The following ASTN2 variants were observed in gnomAD, a reference collection of about 807,000 sequenced individuals.
ASTN2 encodes the protein astrotactin-2.
In ASTN2, 54 loss-of-function variants were observed where a neutral mutation model predicts 139.8. That is an observed-to-expected ratio of 0.39 (90% CI 0.31 to 0.48). The LOEUF (loss-of-function observed/expected upper bound fraction) is 0.48, where lower values mean the gene tolerates loss of function less well. Ranked by LOEUF, ASTN2 falls within the 20% of genes least tolerant of loss-of-function variation. The pLI is 0.95. For synonymous variants in ASTN2, 756 were observed against 719.5 expected, an observed-to-expected ratio of 1.05 and a Z score of -0.81; for missense variants, 1,565 against 1,725.1, an observed-to-expected ratio of 0.91 and a Z score of 1.64.
chr9:117,127,962 G>A (rs998138403), intron 4 of ASTN2, among the ~76,000 whole-genome samples: 5 of 152,066 alleles, frequency 3.3e-5, no homozygotes, highest in Non-Finnish European at 7.4e-5. Flanking sequence ...TTACAGGCGT[G>A]AGCCACCGCT....
In ASTN2 at chr9:117,143,942, C is replaced by T. The variant is rs531493679; in HGVS notation, c.1016-2464G>A. ...TCCTATCTCCAGACACAGTCAGCCA[C>T]GGATTGAATTGTGTTCCCTCCTTCC... is the stretch of plus-strand genomic sequence containing the variant. On this transcript the variant is annotated intron_variant, in intron 3 of 22. Transcript: ENST00000313400. 7.9e-5 allele frequency among the ~76,000 whole-genome samples: 12 copies of T among 152,248 alleles called. No homozygotes were observed. The South Asian group carries it at 8.3e-4, about 11-fold the overall frequency.
intron 2 of ASTN2, among the ~76,000 whole-genome samples, chr9:117,280,272 T>C (rs947808510): frequency 6.6e-6 from 1 of 152,084 alleles, no homozygotes; most frequent in Non-Finnish European, 1.5e-5. Context: ...GTCTGATGAG[T>C]GAGGATGTTA....
At chr9:117,238,725 T>C (rs1833118754) in intron 2 of ASTN2, among the ~76,000 whole-genome samples, 1 of 152,184 alleles carries the variant, frequency 6.6e-6, no homozygotes, top group Non-Finnish European at 1.5e-5. Flanking sequence ...TGATTCTCAG[T>C]TTAATCATCA....
intron 12 of ASTN2, among the ~76,000 whole-genome samples, chr9:116,815,612 T>C (rs1042660128): frequency 1.3e-5 from 2 of 151,134 alleles, no homozygotes; most frequent in East Asian, 3.9e-4. Context: ...GAGACCATCC[T>C]GGCAAACACG....
intron 4 of ASTN2, among the ~76,000 whole-genome samples, chr9:117,137,200 C>T (rs1407507685): frequency 1.3e-5 from 2 of 152,188 alleles, no homozygotes; most frequent in Non-Finnish European, 2.9e-5. Context: ...GAATGATGCA[C>T]TTCAGCCTCC....
At chr9:116,660,168 G>GCACTCA (rs1858472952) in intron 16 of ASTN2, among the ~76,000 whole-genome samples, 1 of 146,576 alleles carries the variant, frequency 6.8e-6, no homozygotes, top group Non-Finnish European at 1.5e-5. Context: ...TATTGCAAGC[G>GCACTCA]CACACACACA....
chr9:116,597,299 A>ATTTTTTTTTTTTTTTT (rs757848093), intron 19 of ASTN2, among the ~76,000 whole-genome samples: 9 of 75,534 alleles, frequency 1.2e-4, no homozygotes, highest in African/African-American at 2.0e-4. Context: ...CTTTTGATCT[A>ATTTTTTTTTTTTTTTT]TTTTTTTTTT....
chr9:116,724,100 G>A (rs1369862431), intron 16 of ASTN2, among the ~76,000 whole-genome samples: 1 of 152,218 alleles, frequency 6.6e-6, no homozygotes, highest in Non-Finnish European at 1.5e-5. Context: ...AATCAGAGTA[G>A]TGTCCCAAGC....
At chr9:117,099,413 C>G (rs1053103725) in intron 4 of ASTN2, among the ~76,000 whole-genome samples, 1 of 152,198 alleles carries the variant, frequency 6.6e-6, no homozygotes, top group East Asian at 1.9e-4. Context: ...AACACATGAC[C>G]TGTTATGGCC....
rs1056175020 is a variant in ASTN2 at position 116,553,300 on chromosome 9, G to A, written c.3355+65024C>T. On this transcript the variant is annotated intron_variant, in intron 19 of 22. Transcript: ENST00000313400. ...TTTCCAAATTAAAAATAATAAAAAG[G>A]TGCAACTTTAGATGTTTATGGCATT... is the stretch of plus-strand genomic sequence containing the variant. Among the ~76,000 whole-genome samples the A allele has an allele frequency of 2.0e-5, 3 of 152,212 alleles. No homozygotes were observed. In the East Asian group the frequency reaches 5.8e-4, roughly 29 times the overall value.
At chr9:117,315,911 A>G (rs1828128819) in intron 1 of ASTN2, among the ~76,000 whole-genome samples, 1 of 152,248 alleles carries the variant, frequency 6.6e-6, no homozygotes, top group Admixed American at 6.5e-5. Context: ...TGACTACACA[A>G]AATTGTGGGC....
intron 1 of ASTN2, among the ~76,000 whole-genome samples, chr9:117,403,108 T>A (rs1274978174): frequency 6.6e-6 from 1 of 152,170 alleles, no homozygotes; most frequent in Non-Finnish European, 1.5e-5. Flanking sequence ...AGGGTGTCAA[T>A]ACACTTGCTG....
intron 1 of ASTN2, among the ~76,000 whole-genome samples, chr9:117,398,577 GA>G (rs1830740468): frequency 6.6e-6 from 1 of 152,152 alleles, no homozygotes; most frequent in Non-Finnish European, 1.5e-5. Context: ...AGAAACTTCA[GA>G]ATGACCTTGG....
intron 5 of ASTN2, among the ~76,000 whole-genome samples, chr9:117,079,172 ATAG>A (rs1422523413): frequency 6.6e-6 from 1 of 152,188 alleles, no homozygotes; most frequent in African/African-American, 2.4e-5. Flanking sequence ...CCTGGGCAAC[ATAG>A]TAAGATCCTG....
intron 17 of ASTN2, among the ~76,000 whole-genome samples, chr9:116,636,848 A>C (rs949231460): frequency 6.6e-6 from 1 of 152,190 alleles, no homozygotes; most frequent in Non-Finnish European, 1.5e-5. Flanking sequence ...TATTAAGAGG[A>C]GTGGTCTTTG....
intron 2 of ASTN2, among the ~76,000 whole-genome samples, chr9:117,220,314 C>T (rs1832472301): frequency 6.6e-6 from 1 of 152,092 alleles, no homozygotes; most frequent in African/African-American, 2.4e-5. Context: ...ACAAGCCTCA[C>T]CTGTCCTACT....
chr9:117,221,859 A>AT (rs1832532747), intron 2 of ASTN2, among the ~76,000 whole-genome samples: 1 of 151,528 alleles, frequency 6.6e-6, no homozygotes. Flanking sequence ...AAAAAAAAAA[A>AT]GAAAAAGAAA....
chr9:117,205,418 A>C (rs1030440512), intron 3 of ASTN2, among the ~76,000 whole-genome samples: 1 of 152,202 alleles, frequency 6.6e-6, no homozygotes, highest in African/African-American at 2.4e-5. Context: ...CCCTTCAAGG[A>C]GGAAACTGAA....
intron 1 of ASTN2, among the ~76,000 whole-genome samples, chr9:117,364,544 G>A (rs1281066613): frequency 6.6e-6 from 1 of 152,186 alleles, no homozygotes; most frequent in African/African-American, 2.4e-5. Flanking sequence ...AGTTGATGAG[G>A]TACCCCACGA....
Sources: gnomAD v4.1 joint callset for allele counts (sites outside exome capture counted in the v4.1 genomes callset) on GRCh38, gnomAD v4.1.1 for gene constraint, MANE v1.5 for transcripts, NCBI Gene and HGNC (gene_info 2026-07-23, HGNC 2026-07-21) for gene names.